The following CNKSR2 variants were observed in gnomAD, a reference collection of about 807,000 sequenced individuals.
The protein encoded by CNKSR2 is connector enhancer of kinase suppressor of Ras 2, also known as CNK homolog protein 2.
In CNKSR2, 14 loss-of-function variants were observed where a neutral mutation model predicts 84.4. The observed-to-expected ratio is 0.17, with a 90% CI of 0.11 to 0.26. The LOEUF (loss-of-function observed/expected upper bound fraction) is 0.26, where lower values mean the gene tolerates loss of function less well. Among genes scored for constraint, CNKSR2 ranks in the 10% least tolerant of loss-of-function variants. The pLI is 1.00. For missense variants in CNKSR2, 485 were observed against 771.2 expected (o/e 0.63, Z 4.40); for synonymous variants, 275 against 277.9 (o/e 0.99, Z 0.10).
chrX:21,635,918 A>G (rs771145720), intron 20 of CNKSR2, among the ~76,000 whole-genome samples: 2 of 111,493 alleles, frequency 1.8e-5, no homozygotes, highest in East Asian at 5.6e-4. Flanking sequence ...TCATAGATGT[A>G]TAATCAGTGT....
intron 5 of CNKSR2, among the ~76,000 whole-genome samples, chrX:21,473,913 A>AT (rs1381249405): frequency 2.8e-5 from 3 of 105,811 alleles, no homozygotes; most frequent in South Asian, 8.5e-4. Context: ...CGCCCGGCTA[A>AT]TTTTTTTTGT....
intron 4 of CNKSR2, among the ~76,000 whole-genome samples, chrX:21,448,426 C>T (rs1489188002): frequency 1.8e-5 from 2 of 111,396 alleles, no homozygotes; most frequent in African/African-American, 6.5e-5. Flanking sequence ...TGGTAGTAGA[C>T]AGGGGAAGGC....
chrX:21,445,326 A>G (rs1235460878), intron 4 of CNKSR2, among the ~76,000 whole-genome samples: 3 of 111,321 alleles, frequency 2.7e-5, no homozygotes, highest in African/African-American at 6.5e-5. Flanking sequence ...TAGTTGACAC[A>G]TAATTGTATA....
chrX:21,493,605 A>G (rs999318064), intron 6 of CNKSR2: 2 of 112,041 alleles, frequency 1.8e-5, no homozygotes, highest in African/African-American at 6.5e-5. Context: ...ATGGAAAGCC[A>G]TATTTGTCAC....
At chrX:21,645,885 T>A (rs757070012) in intron 20 of CNKSR2, 4 of 112,083 alleles carry the variant, frequency 3.6e-5, no homozygotes, top group African/African-American at 1.3e-4. Flanking sequence ...TTGAAAATTA[T>A]AAAAGAAAAT....
At chrX:21,622,943 T>C (rs777897751) in intron 20 of CNKSR2, among the ~76,000 whole-genome samples, 1 of 111,602 alleles carries the variant, frequency 9.0e-6, no homozygotes, top group South Asian at 3.8e-4. Context: ...ATTAGGTGAC[T>C]TCATTAGGAC....
chrX:21,523,851 T>C (rs2091808912), intron 9 of CNKSR2, among the ~76,000 whole-genome samples: 2 of 111,049 alleles, frequency 1.8e-5, no homozygotes, highest in South Asian at 3.7e-4. Flanking sequence ...GTCTTTCTAA[T>C]GTTCTTTAAT....
At chrX:21,637,078 G>C (rs1023248359) in intron 20 of CNKSR2, among the ~76,000 whole-genome samples, 3 of 111,288 alleles carry the variant, frequency 2.7e-5, no homozygotes, top group African/African-American at 9.8e-5. Flanking sequence ...TCACTCAAAG[G>C]GTACTTCAGA....
intron 4 of CNKSR2, among the ~76,000 whole-genome samples, chrX:21,462,949 G>A (rs913715635): frequency 9.1e-5 from 10 of 109,913 alleles, no homozygotes; most frequent in African/African-American, 1.7e-4. Context: ...CTTGTGATCC[G>A]CCCGCCTCGG....
At chrX:21,616,025 A>T (rs1159709943) in intron 20 of CNKSR2, among the ~76,000 whole-genome samples, 1 of 111,599 alleles carries the variant, frequency 9.0e-6, no homozygotes, top group East Asian at 2.8e-4. Context: ...AAATAGCAAT[A>T]ATTGTATCAG....
At chrX:21,376,536 C>T (rs2089818918) in intron 1 of CNKSR2, among the ~76,000 whole-genome samples, 2 of 111,661 alleles carry the variant, frequency 1.8e-5, no homozygotes, top group Admixed American at 1.9e-4. Flanking sequence ...ATCTTTGCTG[C>T]TGCTTTTTCT....
At chrX:21,626,233 A>G (rs2092622728) in intron 20 of CNKSR2, among the ~76,000 whole-genome samples, 1 of 93,745 alleles carries the variant, frequency 1.1e-5, no homozygotes, top group Non-Finnish European at 2.0e-5. Context: ...AGGAGGGTAC[A>G]TTCTAGGTGG....
chrX:21,444,540 T>C (rs141871744), intron 4 of CNKSR2, among the ~76,000 whole-genome samples: 3,378 of 110,782 alleles, frequency 0.03, 43 homozygotes, highest in Non-Finnish European at 0.048. Context: ...TTTAGATTAT[T>C]GTTGGGCTGT....
chrX:21,381,432 A>G (rs1398664783), intron 1 of CNKSR2, among the ~76,000 whole-genome samples: 3 of 111,842 alleles, frequency 2.7e-5, no homozygotes, highest in Non-Finnish European at 5.6e-5. Context: ...CTATTACCAC[A>G]AGGCACAAAA....
At chrX:21,540,918 G>C (rs1387287865) in intron 11 of CNKSR2, among the ~76,000 whole-genome samples, 1 of 111,582 alleles carries the variant, frequency 9.0e-6, no homozygotes, top group African/African-American at 3.3e-5. Context: ...GAAAAATAGG[G>C]ACACTCTGTT....
intron 13 of CNKSR2, 109 bp from the exon 14 acceptor site, chrX:21,590,462 CT>C: frequency 1.5e-6 from 1 of 646,559 alleles, no homozygotes; most frequent in African/African-American, 2.2e-5. Context: ...AGTTCTTCCC[CT>C]AACAGTGTTT....
chrX:21,408,578 T>G (rs1420299037), intron 1 of CNKSR2, among the ~76,000 whole-genome samples: 1 of 111,289 alleles, frequency 9.0e-6, no homozygotes, highest in African/African-American at 3.3e-5. Context: ...ATCTTTGCCC[T>G]TATCTAACCT....
Position 21,460,024 on chromosome X carries a change from C to T in CNKSR2, c.520-10742C>T, listed in dbSNP as rs2091041919. On this transcript the variant is annotated intron_variant, in intron 4 of 21. Transcript: ENST00000379510. Reference sequence around the variant, plus strand: ...TTTAATCCTGGCCATGGGATTAATTCTTGCTCTGGCTCCTAAACAAGCATT... The same window carrying T: ...TTTAATCCTGGCCATGGGATTAATTTTTGCTCTGGCTCCTAAACAAGCATT... 2.7e-5 allele frequency among the ~76,000 whole-genome samples: 3 copies of T among 111,569 alleles called. No individual in the cohort carries two copies. In the Admixed American group the frequency reaches 2.8e-4, roughly 11 times the overall value.
chrX:21,558,713 A>C (rs2092161006), intron 11 of CNKSR2, among the ~76,000 whole-genome samples: 1 of 111,140 alleles, frequency 9.0e-6, no homozygotes, highest in Admixed American at 9.6e-5. Flanking sequence ...TAATGAATAC[A>C]ATTATGTATT....
Sources: gnomAD v4.1 joint callset for allele counts (sites outside exome capture counted in the v4.1 genomes callset) on GRCh38, gnomAD v4.1.1 for gene constraint, MANE v1.5 for transcripts, NCBI Gene and HGNC (gene_info 2026-07-23, HGNC 2026-07-21) for gene names.